PCDHA5: variants seen among roughly 807,000 people sequenced by gnomAD.
PCDHA5 encodes the protein protocadherin alpha 5, also known as protocadherin alpha-5.
PCDHA5 carries 43 observed loss-of-function variants against 61.6 expected under a neutral mutation model. That is an observed-to-expected ratio of 0.70 (90% CI 0.55 to 0.90). The LOEUF (loss-of-function observed/expected upper bound fraction) is 0.90. Ranked by LOEUF, PCDHA5 falls within the 40% of genes least tolerant of loss-of-function variation. PCDHA5 has a pLI of 0.00. For synonymous variants in PCDHA5, 627 were observed against 543.9 expected (o/e 1.15, Z -2.13); for missense variants, 1,298 against 1,222.7 (o/e 1.06, Z -0.92).
rs1028376160 is a variant in PCDHA5 at position 140,924,281 on chromosome 5, C to T, written c.2353-54668C>T. Among the ~76,000 whole-genome samples the T allele has an allele frequency of 2.6e-5, 4 of 152,170 alleles. No individual in the cohort carries two copies. The East Asian group carries it at 7.7e-4, about 29-fold the overall frequency. ...TAATGAGGTCTGTACTTGTGACTAC[C>T]TAATAGGCTGACATGTTTCCTCCTT... is the stretch of plus-strand genomic sequence containing the variant. On this transcript the variant is annotated intron_variant, in intron 1 of 3. Coordinates refer to ENST00000529859, the MANE Select transcript of PCDHA5 (RefSeq NM_018908.3).
chr5:140,877,256 G>C lies in PCDHA5; in HGVS notation c.2352+53129G>C, dbSNP rs782364296. 2.5e-6 allele frequency: 4 copies of C among 1,613,628 alleles called. No homozygotes were observed. In the African/African-American group the frequency reaches 5.3e-5, roughly 22 times the overall value. On this transcript the variant is annotated intron_variant, in intron 1 of 3. Transcript: ENST00000529859. Reference sequence around the variant, plus strand: ...GCGGGCCACGTGGTGGCGAAAGTGCGCGCGGTGGACGCTGACTCCGGCTAT... The same window carrying C: ...GCGGGCCACGTGGTGGCGAAAGTGCCCGCGGTGGACGCTGACTCCGGCTAT...
intron 1 of PCDHA5, chr5:140,866,517 C>T (rs1554160368): frequency 6.6e-6 from 1 of 152,090 alleles, no homozygotes; most frequent in African/African-American, 2.4e-5. Flanking sequence ...CTTGACTAAG[C>T]CATGATAGAG....
At chr5:140,912,385 C>A (rs1323082765) in intron 1 of PCDHA5, among the ~76,000 whole-genome samples, 6 of 148,114 alleles carry the variant, frequency 4.1e-5, no homozygotes, top group African/African-American at 1.5e-4. Context: ...GGATTGAGTT[C>A]TTAATTTGAT....
chr5:140,845,922 T>C (rs2150382652), intron 1 of PCDHA5, among the ~76,000 whole-genome samples: 7 of 149,894 alleles, frequency 4.7e-5, no homozygotes, highest in African/African-American at 7.3e-5. Flanking sequence ...CTTATTTTTG[T>C]GTAAAACTAT....
rs139533789 is a variant in PCDHA5, at chr5:140,857,716, C to G, written c.2352+33589C>G. ...TGACGCTGCAGGTGTTCGTGCTGGA[C>G]GAGAACGACAACGCTCCCGCGCTGC... On this transcript the variant is annotated intron_variant, in intron 1 of 3. Transcript: ENST00000529859. The G allele has an allele frequency of 3.1e-6, 5 of 1,597,272 alleles. No individual in the cohort carries two copies. Among genetic ancestry groups the G allele is most frequent in the East Asian group, 2.2e-5 (1 of 44,832 alleles).
chr5:140,848,707 G>GC, intron 1 of PCDHA5: 1 of 1,592,428 alleles, frequency 6.3e-7, no homozygotes, highest in Non-Finnish European at 8.6e-7. Flanking sequence ...TCCAAAGGCC[G>GC]CGGGGACCTT....
chr5:140,867,871 A>G (rs1450375674), intron 1 of PCDHA5: 1 of 152,152 alleles, frequency 6.6e-6, no homozygotes, highest in Non-Finnish European at 1.5e-5. Flanking sequence ...TTAATTTTCT[A>G]TGTTTTAAGC....
At chr5:140,892,242 C>A (rs1554185127) in intron 1 of PCDHA5, among the ~76,000 whole-genome samples, 3 of 152,034 alleles carry the variant, frequency 2.0e-5, no homozygotes, top group Non-Finnish European at 4.4e-5. Context: ...TCCACATAAA[C>A]CTGGTTATCT....
chr5:140,883,777 G>T, intron 1 of PCDHA5: 3 of 1,612,364 alleles, frequency 1.9e-6, no homozygotes, highest in Non-Finnish European at 1.7e-6. Flanking sequence ...GCGAGCGTGC[G>T]CTGTCGAGCT....
chr5:140,927,363 GAT>G (rs1188531316), intron 1 of PCDHA5: 33 of 1,613,946 alleles, frequency 2.0e-5, no homozygotes, highest in Non-Finnish European at 2.7e-5. Context: ...GAAGCAATGG[GAT>G]ACTAAGCTAC....
chr5:140,968,949 T>C, intron 1 of PCDHA5: 1 of 1,614,180 alleles, frequency 6.2e-7, no homozygotes, highest in Non-Finnish European at 8.5e-7. Flanking sequence ...ATTTTGAGCA[T>C]CATCAAGTGC....
At position 141,010,449 on chromosome 5, in the gene PCDHA5, C is replaced by T. The variant is rs764975082; in HGVS notation, c.*512C>T. ...CAAGAAAACAAAGACAAATAAACAG[C>T]GGAAGTTATCAGTATGGAGGGGAAG... On this transcript the variant is annotated 3_prime_UTR_variant, in exon 4 of 4. Coordinates refer to ENST00000529859, the MANE Select transcript of PCDHA5 (RefSeq NM_018908.3). 14 of 915,348 alleles carry T rather than the reference C, an allele frequency of 1.5e-5. No homozygotes were observed. Among genetic ancestry groups the T allele is most frequent in the Non-Finnish European group, 2.1e-5 (13 of 631,774 alleles). 56.7% of individuals were successfully genotyped at this position (915,348 alleles called of 1,614,324 possible).
At chr5:140,880,241 C>T (rs529552139) in intron 1 of PCDHA5, among the ~76,000 whole-genome samples, 12 of 150,302 alleles carry the variant, frequency 8.0e-5, no homozygotes, top group South Asian at 4.2e-4. Flanking sequence ...AGTGTATGTG[C>T]GTGTGTGTAT....
At chr5:140,873,141 C>A (rs1275722582) in intron 1 of PCDHA5, among the ~76,000 whole-genome samples, 3 of 152,064 alleles carry the variant, frequency 2.0e-5, no homozygotes, top group African/African-American at 7.2e-5. Flanking sequence ...TATGCTGAAG[C>A]CTATTCATAG....
chr5:140,835,891 C>T lies in PCDHA5; in HGVS notation c.2352+11764C>T. The T allele has an allele frequency of 6.2e-7, 1 of 1,611,968 alleles. No homozygotes were observed. The highest frequency in any genetic ancestry group is 2.2e-5 in the East Asian group (1 of 44,826). ...GTGGAGCTGCGGGTGGGCGAGCGCG[C>T]GCTGTCGAGCTACGTGTCAGTGCAC... is the stretch of plus-strand genomic sequence containing the variant. On this transcript the variant is annotated intron_variant, in intron 1 of 3. Coordinates refer to ENST00000529859, the MANE Select transcript of PCDHA5 (RefSeq NM_018908.3).
chr5:140,954,992 G>A (rs1017301016), intron 1 of PCDHA5, among the ~76,000 whole-genome samples: 1 of 152,094 alleles, frequency 6.6e-6, no homozygotes, highest in Non-Finnish European at 1.5e-5. Flanking sequence ...TTCTGCATAT[G>A]GCTAGCCAAT....
chr5:140,875,675 C>G, intron 1 of PCDHA5: 8 of 1,613,858 alleles, frequency 5.0e-6, no homozygotes, highest in Non-Finnish European at 6.8e-6. Context: ...CGGGTGGCGT[C>G]CAAAAGACAC....
At chr5:140,870,667 T>C (rs251372) in intron 1 of PCDHA5, 777,079 of 1,612,370 alleles carry the variant, frequency 0.48, 188,810 homozygotes, top group South Asian at 0.57. Context: ...GCTGCAGCCG[T>C]TGGACCACGA....
rs2150489798 is a variant in PCDHA5, at chr5:140,850,571, G to T, written c.2352+26444G>T. 5 of 1,598,430 alleles carry T rather than the reference G, an allele frequency of 3.1e-6. No individual in the cohort carries two copies. In the East Asian group the frequency reaches 1.1e-4, roughly 36 times the overall value. ...TGGGTGCCACGGGCCCCGAGGTGAC[G>T]CTGGTGGATGTCAACGTGTACCTGA... On this transcript the variant is annotated intron_variant, in intron 1 of 3. Coordinates refer to ENST00000529859, the MANE Select transcript of PCDHA5 (RefSeq NM_018908.3).
Sources: allele counts gnomAD v4.1 joint callset (sites outside exome capture counted in the v4.1 genomes callset), GRCh38; gene constraint gnomAD v4.1.1; transcripts MANE v1.5; gene names NCBI Gene and HGNC (gene_info 2026-07-23, HGNC 2026-07-21).